Variants in FFAR4 observed in about 807,000 individuals in gnomAD.
FFAR4 encodes free fatty acid receptor 4, also known as G-protein coupled receptor 120.
In FFAR4, 19 loss-of-function variants were observed where a neutral mutation model predicts 27.0. The observed-to-expected ratio is 0.70, with a 90% CI of 0.49 to 1.03. FFAR4 has a LOEUF of 1.03. Ranked by LOEUF, FFAR4 falls within the 50% of genes least tolerant of loss-of-function variation. The pLI, the probability that FFAR4 is intolerant of heterozygous loss-of-function variation, is 0.00. For missense variants in FFAR4, 476 were observed against 479.0 expected, an observed-to-expected ratio of 0.99 and a Z score of 0.06; for synonymous variants, 254 against 215.6, an observed-to-expected ratio of 1.18 and a Z score of -1.56.
intron 2 of FFAR4, among the ~76,000 whole-genome samples, chr10:93,583,141 G>C (rs917873553): frequency 6.6e-6 from 1 of 150,954 alleles, no homozygotes; most frequent in Admixed American, 6.6e-5. Flanking sequence ...GGTGGCTCAA[G>C]TCTGTAATCC....
chr10:93,586,798 G>A (rs17108968), intron 2 of FFAR4, among the ~76,000 whole-genome samples: 15,781 of 152,174 alleles, frequency 0.1, 956 homozygotes, highest in African/African-American at 0.16. Context: ...AAATACTCAC[G>A]TTAGTCACCT....
intron 2 of FFAR4, among the ~76,000 whole-genome samples, chr10:93,585,494 T>C (rs764775679): frequency 5.3e-5 from 8 of 152,188 alleles, no homozygotes; most frequent in Non-Finnish European, 1.2e-4. Flanking sequence ...AGCTTTCCAG[T>C]CATTTTTTGA....
intron 1 of FFAR4, among the ~76,000 whole-genome samples, chr10:93,570,190 A>T (rs112312285): frequency 0.043 from 6,122 of 143,988 alleles, 360 homozygotes; most frequent in African/African-American, 0.14. Flanking sequence ...TGTCTCTCTC[A>T]CACACACACA....
At chr10:93,574,870 G>C (rs956890447) in intron 1 of FFAR4, among the ~76,000 whole-genome samples, 26 of 152,150 alleles carry the variant, frequency 1.7e-4, no homozygotes, top group Admixed American at 2.6e-4. Context: ...CCGCACTCCA[G>C]ACTGGCAACA....
chr10:93,574,830 C>CGGAG (rs74997935), intron 1 of FFAR4, among the ~76,000 whole-genome samples: 4,010 of 152,058 alleles, frequency 0.026, 196 homozygotes, highest in East Asian at 0.24. Flanking sequence ...ACCTGGGAGG[C>CGGAG]GGAGGTTGCA....
intron 2 of FFAR4, among the ~76,000 whole-genome samples, chr10:93,577,636 A>T (rs1262414109): frequency 6.6e-6 from 1 of 152,254 alleles, no homozygotes; most frequent in East Asian, 1.9e-4. Flanking sequence ...ATTATCATTA[A>T]GTTAAAAGGA....
In FFAR4 at chr10:93,587,305, G is replaced by A. The variant is rs766000266; in HGVS notation, c.782G>A (p.Arg261Gln). The A allele has an allele frequency of 7.4e-6, 12 of 1,613,912 alleles. No individual in the cohort carries two copies. Among genetic ancestry groups the A allele is most frequent in the Admixed American group, 5.0e-5 (3 of 59,980 alleles). Residue 261 changes from arginine to glutamine, a missense_variant, in exon 3 of 3, where the codon CGG (arginine) becomes CAG (glutamine). By Grantham distance (43) the Arg-to-Gln change is conservative. Coordinates refer to ENST00000371481, the MANE Select transcript of FFAR4 (RefSeq NM_001195755.2). ...HQIRVSQQDF[R>Q]LFRTLFLLMV... ...ATCCGCGTGTCCCAGCAGGACTTCC[G>A]GCTCTTCCGCACCCTCTTCCTCCTC...
intron 1 of FFAR4, among the ~76,000 whole-genome samples, chr10:93,574,905 AAAAAC>A (rs1222367476): frequency 6.6e-6 from 1 of 152,174 alleles, no homozygotes; most frequent in African/African-American, 2.4e-5. Context: ...CTCAAAGAAA[AAAAAC>A]AAAACAAAAC....
intron 2 of FFAR4, among the ~76,000 whole-genome samples, chr10:93,578,289 C>T (rs893372770): frequency 5.3e-5 from 8 of 151,744 alleles, no homozygotes; most frequent in African/African-American, 1.7e-4. Context: ...TAGTGGTGGG[C>T]GTCTGTAATC....
chr10:93,579,668 C>CAG (rs1323595649), intron 2 of FFAR4, among the ~76,000 whole-genome samples: 1 of 152,204 alleles, frequency 6.6e-6, no homozygotes, highest in Non-Finnish European at 1.5e-5. Flanking sequence ...ATGCCTAGAT[C>CAG]AGAGCCTGGC....
intron 2 of FFAR4, among the ~76,000 whole-genome samples, chr10:93,579,848 G>A (rs1171316655): frequency 6.6e-6 from 1 of 152,170 alleles, no homozygotes; most frequent in Non-Finnish European, 1.5e-5. Flanking sequence ...GTGTGACCTT[G>A]GGCAAGTCAC....
Position 93,587,543 on chromosome 10 carries a change from A to C in FFAR4, c.1020A>C (p.Pro340=). 2 of 1,614,074 alleles carry C rather than the reference A, an allele frequency of 1.2e-6. No homozygotes were observed. The highest frequency in any genetic ancestry group is 2.2e-5 in the South Asian group (2 of 91,076). ...WKKIFCCFWF[P]EKGAILTDTS... is the part of the protein sequence containing the mutation. ...AAATTTTTTGCTGCTTCTGGTTCCC[A>C]GAAAAGGGAGCCATTTTAACAGACA... The change falls in exon 3 of 3, where the codon CCA becomes CCC. Residue 340 remains proline, a synonymous_variant. Coordinates refer to ENST00000371481, the MANE Select transcript of FFAR4 (RefSeq NM_001195755.2).
At chr10:93,574,943 A>G (rs2058154935) in intron 1 of FFAR4, among the ~76,000 whole-genome samples, 1 of 152,178 alleles carries the variant, frequency 6.6e-6, no homozygotes. Context: ...AGTCACCAAA[A>G]TGTGGAAGGA....
chr10:93,576,271 T>G, intron 2 of FFAR4, 52 bp downstream of exon 2: 1 of 1,604,040 alleles, frequency 6.2e-7, no homozygotes, highest in Middle Eastern at 1.7e-4. Context: ...TTGGGGTTAT[T>G]TCTGCTAGAA....
chr10:93,587,306 G>T lies in FFAR4; in HGVS notation c.783G>T (p.Arg261=). ...HQIRVSQQDF[R]LFRTLFLLMV... ...TCCGCGTGTCCCAGCAGGACTTCCG[G>T]CTCTTCCGCACCCTCTTCCTCCTCA... Residue 261 remains arginine, a synonymous_variant, in exon 3 of 3, where the codon CGG becomes CGT. Transcript: ENST00000371481. 1 of 1,614,114 alleles carries T rather than the reference G, an allele frequency of 6.2e-7. No individual in the cohort carries two copies. The highest frequency in any genetic ancestry group is 8.5e-7 in the Non-Finnish European group (1 of 1,180,016).
chr10:93,570,760 TGAG>T (rs1404011583), intron 1 of FFAR4, among the ~76,000 whole-genome samples: 11 of 152,226 alleles, frequency 7.2e-5, no homozygotes, highest in African/African-American at 2.7e-4. Context: ...GAAGAGAAGA[TGAG>T]GTGATAAATA....
chr10:93,567,149 G>T lies in FFAR4; in HGVS notation c.429G>T (p.Leu143=). The part of the protein sequence containing the change: ...SLERMVCIVH[L]QRGVRGPGRR... Reference sequence around the variant, plus strand: ...AGCGCATGGTGTGCATCGTGCACCTGCAGCGCGGCGTGCGGGGTCCTGGGC... The same window carrying T: ...AGCGCATGGTGTGCATCGTGCACCTTCAGCGCGGCGTGCGGGGTCCTGGGC... The change falls in exon 1 of 3, where the codon CTG becomes CTT. Residue 143 remains leucine (L), a synonymous_variant. Transcript: ENST00000371481. 6.2e-7 allele frequency: 1 copy of T among 1,605,880 alleles called. No individual in the cohort carries two copies. Among genetic ancestry groups the T allele is most frequent in the Non-Finnish European group, 8.5e-7 (1 of 1,178,420 alleles).
rs368391209 is a variant in FFAR4 at position 93,566,680 on chromosome 10, G to C, written c.-41G>C. The C allele has an allele frequency of 1.7e-4, 210 of 1,267,722 alleles. 1 individual carries two copies. Among genetic ancestry groups the C allele is most frequent in the Admixed American group, 1.1e-4 (5 of 43,936 alleles). The allele number at this position is 1,267,722 out of a possible 1,614,324, so 78.5% of individuals were successfully genotyped here. ...CTTGGCACTCAGTCGCCTCCCAGAT[G>C]AGCACTCTCTCAGACCGCTGCGGGC... On this transcript the variant is annotated 5_prime_UTR_variant, in exon 1 of 3. An upstream start codon of the reference 5' UTR is lost. Coordinates refer to ENST00000371481, the MANE Select transcript of FFAR4 (RefSeq NM_001195755.2).
rs2134561733 is a variant in FFAR4 at position 93,589,418 on chromosome 10, TTG to T, written c.*1812_*1813del. ...GGAGGTGAGTGGCATTAGGGAGGGA[TTG>T]TGAGAAATGACTTGTAAATATACCT... On this transcript the variant is annotated 3_prime_UTR_variant, in exon 3 of 3. Coordinates refer to ENST00000371481, the MANE Select transcript of FFAR4 (RefSeq NM_001195755.2). 6.6e-6 allele frequency: 1 copy of T among 151,946 alleles called. No homozygotes were observed. Among genetic ancestry groups the T allele is most frequent in the South Asian group, 2.1e-4 (1 of 4,794 alleles). 9.4% of individuals were successfully genotyped at this position (151,946 alleles called of 1,614,324 possible). A position where few individuals can be genotyped will look rare whatever the true frequency, so the allele number is the denominator to read the frequency against.
Sources: allele counts gnomAD v4.1 joint callset (sites outside exome capture counted in the v4.1 genomes callset), GRCh38; gene constraint gnomAD v4.1.1; transcripts MANE v1.5; gene names NCBI Gene and HGNC (gene_info 2026-07-23, HGNC 2026-07-21).